The following HDAC4 variants were observed in gnomAD, a reference collection of about 807,000 sequenced individuals.
HDAC4 encodes the protein histone deacetylase 4.
Under a neutral mutation model 135.1 loss-of-function variants are expected in HDAC4, and 16 were observed. The ratio of observed to expected loss-of-function variants is 0.12; its 90% CI spans 0.08 to 0.18. The LOEUF (loss-of-function observed/expected upper bound fraction) is 0.18, where lower values mean the gene tolerates loss of function less well. Ranked by LOEUF, HDAC4 falls within the 10% of genes least tolerant of loss-of-function variation. The pLI is 1.00. For synonymous variants in HDAC4, 685 were observed against 653.4 expected (o/e 1.05, Z -0.74); for missense variants, 1,143 against 1,511.8 (o/e 0.76, Z 4.05).
At chr2:239,371,690 C>T (rs868534815) in intron 1 of HDAC4, among the ~76,000 whole-genome samples, 13 of 152,196 alleles carry the variant, frequency 8.5e-5, no homozygotes, top group African/African-American at 3.1e-4. Context: ...TGTGTGGCAA[C>T]AGCACAGGGG....
chr2:239,228,343 A>C (rs1238769178), intron 3 of HDAC4, among the ~76,000 whole-genome samples: 1 of 152,146 alleles, frequency 6.6e-6, no homozygotes, highest in Non-Finnish European at 1.5e-5. Context: ...TGAGCCCAGG[A>C]CCTGATCCTT....
At chr2:239,232,927 GCAAGCCAAGGGTGGCCCTTCCCTCAC>G (rs1286221778) in intron 3 of HDAC4, among the ~76,000 whole-genome samples, 6 of 36,030 alleles carry the variant, frequency 1.7e-4, no homozygotes, top group South Asian at 1.2e-3. Flanking sequence ...CTTCCCCTCA[GCAAGCCAAGGGTGGCCCTTCCCTCAC>G]CAAGCCAAGG....
intron 12 of HDAC4, among the ~76,000 whole-genome samples, chr2:239,125,347 G>A (rs1285807978): frequency 5.3e-5 from 8 of 152,112 alleles, no homozygotes; most frequent in African/African-American, 1.7e-4. Context: ...CAAGTGATGT[G>A]CCCGCTCCCC....
chr2:239,325,967 A>T (rs2053458549), intron 2 of HDAC4, among the ~76,000 whole-genome samples: 1 of 152,142 alleles, frequency 6.6e-6, no homozygotes, highest in Non-Finnish European at 1.5e-5. Flanking sequence ...TGAAAAAAAA[A>T]TAATAATAAA....
At chr2:239,113,086 C>A (rs912835781) in intron 13 of HDAC4, among the ~76,000 whole-genome samples, 8 of 152,252 alleles carry the variant, frequency 5.3e-5, no homozygotes, top group Middle Eastern at 3.4e-3. Flanking sequence ...ACAAAACAAA[C>A]AAACAAACAA....
chr2:239,228,461 C>G (rs541847900), intron 3 of HDAC4, among the ~76,000 whole-genome samples: 2 of 152,100 alleles, frequency 1.3e-5, no homozygotes, highest in African/African-American at 4.8e-5. Context: ...GTGTACGCCA[C>G]GTGAAAGGTG....
At chr2:239,145,936 G>T (rs1301114510) in intron 7 of HDAC4, among the ~76,000 whole-genome samples, 1 of 152,206 alleles carries the variant, frequency 6.6e-6, no homozygotes, top group Non-Finnish European at 1.5e-5. Flanking sequence ...TTTTCTGCAG[G>T]TCTTGGAAGG....
rs2051072689 is a variant in HDAC4 at position 239,285,296 on chromosome 2, T to G, written c.23-48632A>C. Among the ~76,000 whole-genome samples the G allele has an allele frequency of 2.6e-5, 4 of 151,598 alleles. No homozygotes were observed. In the South Asian group the frequency reaches 8.4e-4, roughly 32 times the overall value. ...GGGAGGGGCAGATCCCTGCTGGGAG[T>G]GGAGAACGCGCCGCGGCTGGGCCCC... On this transcript the variant is annotated intron_variant, in intron 2 of 26. Transcript: ENST00000543185. This position sits in a 1 kb window ranked among gnomAD's most constrained non-coding sequence, Gnocchi z 4.5.
intron 24 of HDAC4, among the ~76,000 whole-genome samples, chr2:239,055,887 G>C (rs2031759479): frequency 6.6e-6 from 1 of 152,230 alleles, no homozygotes; most frequent in Admixed American, 6.5e-5. Context: ...AGGTGTCCTG[G>C]AGCCAGCCTT....
At position 239,333,859 on chromosome 2, in the gene HDAC4, A is replaced by G. The variant is rs74003937; in HGVS notation, c.22+18819T>C. ...ACAGAACTTATAGCAAATTTTATCTATAATGATGAAATACTAAAAATTTTT... is the reference window on the plus strand; with the variant it reads ...ACAGAACTTATAGCAAATTTTATCTGTAATGATGAAATACTAAAAATTTTT... On this transcript the variant is annotated intron_variant, in intron 2 of 26. Transcript: ENST00000543185. Among the ~76,000 whole-genome samples the G allele has an allele frequency of 8.4e-3, 1,276 of 152,332 alleles. 20 individuals carry two copies. The highest frequency in any genetic ancestry group is 0.029 in the African/African-American group (1,221 of 41,582).
At chr2:239,129,692 G>A (rs973843313) in intron 11 of HDAC4, among the ~76,000 whole-genome samples, 3 of 152,192 alleles carry the variant, frequency 2.0e-5, no homozygotes, top group African/African-American at 4.8e-5. Flanking sequence ...GGAGGCACTT[G>A]GGGCTGGGCC....
intron 7 of HDAC4, among the ~76,000 whole-genome samples, chr2:239,150,395 G>A (rs572845980): frequency 6.7e-5 from 10 of 149,358 alleles, no homozygotes; most frequent in Non-Finnish European, 8.9e-5. Flanking sequence ...ACACAGAAAC[G>A]CACACAGATA....
At chr2:239,255,849 G>A (rs971501512) in intron 2 of HDAC4, among the ~76,000 whole-genome samples, 4 of 152,188 alleles carry the variant, frequency 2.6e-5, no homozygotes, top group South Asian at 2.1e-4. Flanking sequence ...AACATCACAC[G>A]TGCATGTCGG....
intron 12 of HDAC4, among the ~76,000 whole-genome samples, chr2:239,124,436 G>C (rs563268352): frequency 3.1e-4 from 47 of 152,364 alleles, no homozygotes; most frequent in African/African-American, 1.1e-3. Context: ...CTGCTTCCAA[G>C]GCTTCCCGTG....
At chr2:239,114,253 C>T (rs982220658) in intron 13 of HDAC4, among the ~76,000 whole-genome samples, 4 of 152,108 alleles carry the variant, frequency 2.6e-5, no homozygotes, top group Admixed American at 2.0e-4. Context: ...ACGGCACGGC[C>T]GGCATGGAGT....
Position 239,262,876 on chromosome 2 carries a change from G to A in HDAC4, c.23-26212C>T, listed in dbSNP as rs2049456739. 6.6e-6 allele frequency among the ~76,000 whole-genome samples: 1 copy of A among 152,146 alleles called. No homozygotes were observed. Among genetic ancestry groups the A allele is most frequent in the Non-Finnish European group, 1.5e-5 (1 of 68,040 alleles). ...GCCCTGGTGAGCAGGAGAGCGTGAG[G>A]CTCTAAGGAGTGGATCCCTCACTGG... On this transcript the variant is annotated intron_variant, in intron 2 of 26. Transcript: ENST00000543185. The surrounding 1 kb of genome is among the most constrained non-coding windows in gnomAD (Gnocchi z 4.1).
Position 239,236,359 on chromosome 2 carries a change from A to G in HDAC4, c.94+234T>C, listed in dbSNP as rs190436138. 4.9e-3 allele frequency among the ~76,000 whole-genome samples: 714 copies of G among 145,890 alleles called. 3 individuals carry two copies. The highest frequency in any genetic ancestry group is 8.2e-3 in the Non-Finnish European group (558 of 67,946). ...GAACACATCCTTTAGCACCAGAGAG[A>G]AAAAAAACAACAAAAAATCAGCATT... On this transcript the variant is annotated intron_variant, in intron 3 of 26. Coordinates refer to ENST00000543185, the MANE Select transcript of HDAC4 (RefSeq NM_001378414.1).
rs192473297 is a variant in HDAC4, at chr2:239,165,391, C to T, written c.491-1468G>A. Among the ~76,000 whole-genome samples the T allele has an allele frequency of 1.2e-3, 183 of 152,278 alleles. 3 individuals carry two copies. Among genetic ancestry groups the T allele is most frequent in the Middle Eastern group, 0.01 (3 of 294 alleles). On this transcript the variant is annotated intron_variant, in intron 5 of 26. Coordinates refer to ENST00000543185, the MANE Select transcript of HDAC4 (RefSeq NM_001378414.1). ...AGGCACCCCTGAGCACCACTGGACA[C>T]GCGCCGATTTCCTCTCTTGCAAGAT...
At chr2:239,176,098 C>T (rs1281813871) in intron 5 of HDAC4, among the ~76,000 whole-genome samples, 1 of 152,148 alleles carries the variant, frequency 6.6e-6, no homozygotes, top group Non-Finnish European at 1.5e-5. Flanking sequence ...TTCCCTACTC[C>T]CCGTGTGCTG....
Sources: allele counts gnomAD v4.1 joint callset (sites outside exome capture counted in the v4.1 genomes callset), GRCh38; gene constraint gnomAD v4.1.1; non-coding constraint Gnocchi (gnomAD v3.1); transcripts MANE v1.5; gene names NCBI Gene and HGNC (gene_info 2026-07-23, HGNC 2026-07-21).